The following MCM9 variants were observed in gnomAD, a reference collection of about 807,000 sequenced individuals.
The protein encoded by MCM9 is DNA helicase MCM9.
In MCM9, 55 loss-of-function variants were observed where a neutral mutation model predicts 72.8. That is an observed-to-expected ratio of 0.76 (90% CI 0.61 to 0.95). The LOEUF is 0.95. Ranked by LOEUF, MCM9 falls within the 40% of genes least tolerant of loss-of-function variation. The probability of loss-of-function intolerance (pLI) is 0.00; values close to 1 mark genes in which losing one functional copy is unlikely to be tolerated. For synonymous variants in MCM9, 480 were observed against 503.4 expected (o/e 0.95, Z 0.62); for missense variants, 1,279 against 1,377.0 (o/e 0.93, Z 1.13).
intron 8 of MCM9, among the ~76,000 whole-genome samples, chr6:118,891,461 C>T (rs1434216768): frequency 6.6e-6 from 1 of 152,178 alleles, no homozygotes; most frequent in African/African-American, 2.4e-5. Context: ...GTTCTGGAAG[C>T]TAGAAATCCA....
At chr6:118,915,228 A>G (rs1308387762) in intron 6 of MCM9, among the ~76,000 whole-genome samples, 1 of 152,178 alleles carries the variant, frequency 6.6e-6, no homozygotes, top group East Asian at 1.9e-4. Flanking sequence ...TCTCATGGCT[A>G]TATCATGGAA....
At position 118,928,509 on chromosome 6, in the gene MCM9, C is replaced by G. The variant is rs1176657799; in HGVS notation, c.304+2911G>C. On this transcript the variant is annotated intron_variant, in intron 3 of 13. Coordinates refer to ENST00000619706, the MANE Select transcript of MCM9 (RefSeq NM_017696.3). Reference sequence around the variant, plus strand: ...TGACTTTGGCTAAGTTGTAACCTCTCAGATTTCTCATCTATAAAATAACAA... The same window carrying G: ...TGACTTTGGCTAAGTTGTAACCTCTGAGATTTCTCATCTATAAAATAACAA... 2.0e-5 allele frequency among the ~76,000 whole-genome samples: 3 copies of G among 152,152 alleles called. No homozygotes were observed. The East Asian group carries it at 5.8e-4, about 29-fold the overall frequency.
intron 8 of MCM9, chr6:118,894,069 C>T (rs1367979041): frequency 2.8e-6 from 3 of 1,082,094 alleles, no homozygotes; most frequent in African/African-American, 3.3e-5. Context: ...GCAGGTGGAG[C>T]CGCAGTTAAA....
chr6:118,914,285 C>T (rs756154283), intron 6 of MCM9, among the ~76,000 whole-genome samples: 13 of 152,118 alleles, frequency 8.5e-5, no homozygotes, highest in South Asian at 2.1e-4. Flanking sequence ...TCAGAAATAA[C>T]GCACCAAATC....
chr6:118,900,650 A>C (rs185586987), intron 8 of MCM9: 10 of 733,214 alleles, frequency 1.4e-5, no homozygotes, highest in East Asian at 7.4e-5. Context: ...CTGGATTGCT[A>C]TGAGAAGCCA....
rs148976429 is a variant in MCM9 at position 118,883,716 on chromosome 6, C to T, written c.1151-27171G>A. 5.7e-3 allele frequency among the ~76,000 whole-genome samples: 866 copies of T among 151,954 alleles called. 8 individuals carry two copies. Among genetic ancestry groups the T allele is most frequent in the African/African-American group, 0.019 (793 of 41,486 alleles). ...CTGAAAGAAAAAAAAAAATCGAACC[C>T]GGAGTCTGATATCCAGCAAAACTAT... On this transcript the variant is annotated intron_variant, in intron 8 of 13. Transcript: ENST00000619706.
intron 13 of MCM9, among the ~76,000 whole-genome samples, chr6:118,823,983 T>C (rs1773989991): frequency 1.3e-5 from 2 of 149,644 alleles, no homozygotes; most frequent in Admixed American, 1.3e-4. Context: ...TGTAAACATA[T>C]TGGGTTACAT....
chr6:118,837,744 T>C lies in MCM9; in HGVS notation c.1326-8494A>G, dbSNP rs1041901488. 1.9e-4 allele frequency among the ~76,000 whole-genome samples: 29 copies of C among 152,224 alleles called. 1 individual carries two copies. The highest frequency in any genetic ancestry group is 1.9e-3 in the Admixed American group (29 of 15,280). ...TTTCTCCATTCCTTTATTTTGAGCC[T>C]ATGTGTGTATTTGCACGTGAGATGG... On this transcript the variant is annotated intron_variant, in intron 9 of 13. Coordinates refer to ENST00000619706, the MANE Select transcript of MCM9 (RefSeq NM_017696.3).
chr6:118,911,732 T>C lies in MCM9; in HGVS notation c.1068A>G (p.Thr356=). 1 of 1,613,718 alleles carries C rather than the reference T, an allele frequency of 6.2e-7. No individual in the cohort carries two copies. Among genetic ancestry groups the C allele is most frequent in the Non-Finnish European group, 8.5e-7 (1 of 1,179,818 alleles). ...CATATTTGAGGAACTGAGATTTCCC[T>C]GTGCCAGGATCCCCAACCAATAAAA... ...SHLLLVGDPG[T]GKSQFLKYAA... is the part of the protein sequence containing the mutation. The change falls in exon 8 of 14, where the codon ACA becomes ACG. Residue 356 remains threonine, a synonymous_variant. Transcript: ENST00000619706.
intron 9 of MCM9, among the ~76,000 whole-genome samples, chr6:118,829,650 T>C (rs284919): frequency 0.71 from 107,600 of 152,006 alleles, 39,415 homozygotes; most frequent in South Asian, 0.8. Context: ...TATTCATCTA[T>C]GTGGATAGAA....
Position 118,815,100 on chromosome 6 carries a change from G to C in MCM9, c.3156C>G (p.Ala1052=). The C allele has an allele frequency of 6.4e-7, 1 of 1,550,726 alleles. No individual in the cohort carries two copies. Among genetic ancestry groups the C allele is most frequent in the Non-Finnish European group, 8.7e-7 (1 of 1,147,022 alleles). The part of the protein sequence containing the change: ...SGSNKSGKVH[A]CTLARLANFC... Reference sequence around the variant, plus strand: ...AGTTTGCCAATCTGGCTAATGTGCAGGCATGAACCTTGCCGCTTTTATTAC... The same window carrying C: ...AGTTTGCCAATCTGGCTAATGTGCACGCATGAACCTTGCCGCTTTTATTAC... Residue 1052 remains alanine, a synonymous_variant, in exon 14 of 14, where the codon GCC becomes GCG. Coordinates refer to ENST00000619706, the MANE Select transcript of MCM9 (RefSeq NM_017696.3).
chr6:118,888,529 T>C (rs1005552650), intron 8 of MCM9, among the ~76,000 whole-genome samples: 4 of 152,090 alleles, frequency 2.6e-5, no homozygotes, highest in African/African-American at 9.7e-5. Context: ...TGGTAGCTCC[T>C]AAAAAGGAGT....
At chr6:118,820,169 G>C (rs914506615) in intron 13 of MCM9, among the ~76,000 whole-genome samples, 1 of 151,972 alleles carries the variant, frequency 6.6e-6, no homozygotes, top group Non-Finnish European at 1.5e-5. Context: ...GCTAGCTTTT[G>C]AATTTGTTTG....
chr6:118,835,181 G>C (rs542009693), intron 9 of MCM9, among the ~76,000 whole-genome samples: 54 of 152,170 alleles, frequency 3.5e-4, no homozygotes, highest in African/African-American at 1.3e-3. Context: ...TTATTTCTGA[G>C]GTCTCTGTTC....
intron 8 of MCM9, among the ~76,000 whole-genome samples, chr6:118,880,350 T>C (rs1046974725): frequency 2.6e-5 from 4 of 152,142 alleles, no homozygotes; most frequent in African/African-American, 9.7e-5. Flanking sequence ...CCTTACAAAA[T>C]AGTGAACTTT....
chr6:118,906,535 C>T (rs902960430), intron 8 of MCM9, among the ~76,000 whole-genome samples: 5 of 152,156 alleles, frequency 3.3e-5, no homozygotes, highest in Non-Finnish European at 7.4e-5. Context: ...TGTAACTCTT[C>T]CCAAAATTAT....
At chr6:118,889,802 C>A (rs1778829758) in intron 8 of MCM9, among the ~76,000 whole-genome samples, 3 of 152,126 alleles carry the variant, frequency 2.0e-5, no homozygotes, top group Admixed American at 2.0e-4. Context: ...TAACCTATGG[C>A]TATGCAAAAG....
rs1220828001 is a variant in MCM9 at position 118,826,820 on chromosome 6, C to T, written c.1777G>A (p.Ala593Thr). The part of the protein sequence containing the change: ...MFRDTVTLED[A>T]ITVVSVMESS... ...TCCATGACTGACACCACCGTAATAG[C>T]GTCTTCCAGAGTTACAGTATCACGA... The change falls in exon 12 of 14, where the codon GCT (alanine) becomes ACT (threonine). Residue 593 changes from alanine (A) to threonine (T), a missense_variant. Transcript: ENST00000619706. 1.0e-5 allele frequency: 16 copies of T among 1,550,366 alleles called. No homozygotes were observed. The East Asian group carries it at 2.4e-4, about 24-fold the overall frequency.
rs1007662436 is a variant in MCM9, at chr6:118,907,694, T to G, written c.1150+3956A>C. On this transcript the variant is annotated intron_variant, in intron 8 of 13. Transcript: ENST00000619706. ...TCCCTGAAATTCCGTAAGTACATAGTCAAAACACAATGTGAAGAATTTGTT... is the reference window on the plus strand; with the variant it reads ...TCCCTGAAATTCCGTAAGTACATAGGCAAAACACAATGTGAAGAATTTGTT... The G allele has an allele frequency of 4.6e-6, 5 of 1,081,110 alleles. No individual in the cohort carries two copies. The African/African-American group carries it at 7.8e-5, about 17-fold the overall frequency. The allele number at this position is 1,081,110 out of a possible 1,614,324, so 67.0% of individuals were successfully genotyped here. A position where few individuals can be genotyped will look rare whatever the true frequency, so the allele number is the denominator to read the frequency against.
Sources: gnomAD v4.1 joint callset for allele counts (sites outside exome capture counted in the v4.1 genomes callset) on GRCh38, gnomAD v4.1.1 for gene constraint, MANE v1.5 for transcripts, NCBI Gene and HGNC (gene_info 2026-07-23, HGNC 2026-07-21) for gene names.